The following LGALS9 variants were observed in gnomAD, a reference collection of about 807,000 sequenced individuals.
LGALS9 encodes galectin-9.
LGALS9 carries 26 observed loss-of-function variants against 35.9 expected under a neutral mutation model. The ratio of observed to expected loss-of-function variants is 0.72; its 90% CI spans 0.53 to 1.01. The LOEUF (loss-of-function observed/expected upper bound fraction) is 1.01. LGALS9 is among the 50% of genes least tolerant of loss of function. LGALS9 has a pLI of 0.00. For synonymous variants in LGALS9, 149 were observed against 172.2 expected (o/e 0.87, Z 1.06); for missense variants, 347 against 445.8 (o/e 0.78, Z 1.99).
intron 10 of LGALS9, 114 bp downstream of exon 10, chr17:27,647,546 G>A: frequency 1.4e-6 from 2 of 1,427,708 alleles, no homozygotes; most frequent in Non-Finnish European, 9.4e-7. Context: ...CTGGGATGAA[G>A]GCCCAAAAGA....
At chr17:27,634,461 G>A (rs530569010) in intron 1 of LGALS9, among the ~76,000 whole-genome samples, 2 of 152,290 alleles carry the variant, frequency 1.3e-5, no homozygotes, top group African/African-American at 2.4e-5. Flanking sequence ...GGAGGTGGGA[G>A]GGTCACGTGA....
At chr17:27,638,766 T>A (rs1418476102) in intron 2 of LGALS9, 1 of 302,808 alleles carries the variant, frequency 3.3e-6, no homozygotes, top group Non-Finnish European at 6.4e-6. Flanking sequence ...CAAAAGTAAT[T>A]TGGTCTCTTT....
intron 1 of LGALS9, among the ~76,000 whole-genome samples, chr17:27,637,316 A>G (rs1012728479): frequency 7.2e-5 from 11 of 152,190 alleles, no homozygotes; most frequent in African/African-American, 1.9e-4. Context: ...CATCAATCAT[A>G]TGCAGCAGGT....
rs555742546 is a variant in LGALS9, at chr17:27,634,269, C to A, written c.39+2965C>A. Among the ~76,000 whole-genome samples, 3 of 152,324 alleles carry A rather than the reference C, an allele frequency of 2.0e-5. No homozygotes were observed. The South Asian group carries it at 6.2e-4, about 32-fold the overall frequency. The stretch of plus-strand genomic sequence containing the variant: ...CCATCTTTAAAACCAGCAGCTTTGG[C>A]TGGGCCCAGTGGCTCATGCCTATAA... On this transcript the variant is annotated intron_variant, in intron 1 of 10. Transcript: ENST00000395473.
intron 5 of LGALS9, among the ~76,000 whole-genome samples, chr17:27,643,821 C>T (rs4794975): frequency 0.23 from 34,437 of 152,088 alleles, 4,081 homozygotes; most frequent in Admixed American, 0.3. Flanking sequence ...CTCTTCTTTA[C>T]GTCTCTCCAA....
At chr17:27,646,739 G>A (rs1598189971) in intron 8 of LGALS9, 151 bp downstream of exon 8, 2 of 1,368,640 alleles carry the variant, frequency 1.5e-6, no homozygotes, top group Non-Finnish European at 2.0e-6. Context: ...CGAATTAGAA[G>A]GCTGTGGAGA....
rs752217105 is a variant in LGALS9 at position 27,648,972 on chromosome 17, T to C, written c.1058T>C (p.Val353Ala). The C allele has an allele frequency of 3.7e-6, 6 of 1,613,968 alleles. No individual in the cohort carries two copies. In the South Asian group the frequency reaches 6.6e-5, roughly 18 times the overall value. The change falls in exon 11 of 11, where the codon GTG becomes GCG. Residue 353 changes from valine (V) to alanine (A), a missense_variant. Physicochemically the swap from Val to Ala is moderately conservative, Grantham distance 64. Coordinates refer to ENST00000395473, the MANE Select transcript of LGALS9 (RefSeq NM_009587.3). The stretch of plus-strand genomic sequence containing the variant: ...GGGGGCGACATCCAGCTGACCCATG[T>C]GCAGACATAGGCGGCTTCCTGGCCC... ...EVGGDIQLTHVQT is the reference protein window; with the variant it reads ...EVGGDIQLTHAQT
At chr17:27,642,020 C>A (rs1904546042) in intron 3 of LGALS9, among the ~76,000 whole-genome samples, 1 of 151,932 alleles carries the variant, frequency 6.6e-6, no homozygotes, top group Non-Finnish European at 1.5e-5. Flanking sequence ...AAAGACAAAC[C>A]TACTGCAGGA....
chr17:27,649,195 C>A lies in LGALS9; in HGVS notation c.*213C>A. The A allele has an allele frequency of 1.4e-6, 1 of 706,586 alleles. No individual in the cohort carries two copies. Among genetic ancestry groups the A allele is most frequent in the Non-Finnish European group, 2.4e-6 (1 of 423,862 alleles). 43.8% of individuals were successfully genotyped at this position (706,586 alleles called of 1,614,324 possible). The stretch of plus-strand genomic sequence containing the variant: ...ATTGCCTTCCTCAGCCGCAGCAGCA[C>A]CTGGGGCTCCAGCTGCTGGAATCCT... On this transcript the variant is annotated 3_prime_UTR_variant, in exon 11 of 11. Coordinates refer to ENST00000395473, the MANE Select transcript of LGALS9 (RefSeq NM_009587.3).
intron 10 of LGALS9, among the ~76,000 whole-genome samples, chr17:27,647,636 G>A (rs1468284943): frequency 2.0e-5 from 3 of 152,182 alleles, no homozygotes; most frequent in Non-Finnish European, 2.9e-5. Flanking sequence ...TTCAGATGAG[G>A]AAACAAACTC....
chr17:27,643,311 G>A lies in LGALS9; in HGVS notation c.445-214G>A, dbSNP rs185203052. 3.6e-3 allele frequency among the ~76,000 whole-genome samples: 541 copies of A among 152,280 alleles called. 3 individuals carry two copies. Among genetic ancestry groups the A allele is most frequent in the African/African-American group, 0.012 (518 of 41,566 alleles). ...CCTTCCCTGACTCTCTCCCCTGCGG[G>A]TGGTAGGGGAGGGAAGAGCTGGAGG... On this transcript the variant is annotated intron_variant, in intron 4 of 10. Transcript: ENST00000395473.
chr17:27,647,248 T>C (rs1447778027), intron 9 of LGALS9, 22 bp from the exon 10 acceptor site: 3 of 1,613,424 alleles, frequency 1.9e-6, no homozygotes, highest in East Asian at 2.2e-5. Context: ...GGATAAAGGT[T>C]CAGGTGGGCT....
chr17:27,645,829 A>C (rs544752921), intron 6 of LGALS9, 32 bp from the exon 7 acceptor site: 324 of 1,574,084 alleles, frequency 2.1e-4, no homozygotes, highest in Non-Finnish European at 2.3e-4. Context: ...CACACGTGAG[A>C]GCCTGGGTGA....
chr17:27,649,005 G>A lies in LGALS9; in HGVS notation c.*23G>A, dbSNP rs372947188. The A allele has an allele frequency of 2.0e-4, 326 of 1,613,646 alleles. No homozygotes were observed. The highest frequency in any genetic ancestry group is 2.0e-3 in the Middle Eastern group (12 of 6,042). On this transcript the variant is annotated 3_prime_UTR_variant, in exon 11 of 11. Coordinates refer to ENST00000395473, the MANE Select transcript of LGALS9 (RefSeq NM_009587.3). ...TAGGCGGCTTCCTGGCCCTGGGGCCGGGGGCTGGGGTGTGGGGCAGTCTGG... is the reference window on the plus strand; with the variant it reads ...TAGGCGGCTTCCTGGCCCTGGGGCCAGGGGCTGGGGTGTGGGGCAGTCTGG...
Position 27,645,854 on chromosome 17 carries a change from C to T in LGALS9, c.577-7C>T. 6.2e-7 allele frequency: 1 copy of T among 1,601,348 alleles called. No individual in the cohort carries two copies. Among genetic ancestry groups the T allele is most frequent in the Non-Finnish European group, 8.5e-7 (1 of 1,172,528 alleles). ...AGCCTGGGTGAGACCTGGTTTCTTT[C>T]TTCCAGACCCAGACAGTCATCCACA... On this transcript the variant is annotated splice_region_variant and splice_polypyrimidine_tract_variant and intron_variant, in intron 6 of 10. Transcript: ENST00000395473.
chr17:27,642,045 C>T (rs548568700), intron 3 of LGALS9, among the ~76,000 whole-genome samples, 193 bp from the exon 4 acceptor site: 5 of 152,078 alleles, frequency 3.3e-5, no homozygotes, highest in East Asian at 1.9e-4. Flanking sequence ...ACCAGAAGAA[C>T]GAAAAGTCCA....
chr17:27,634,789 AC>A (rs1431985258), intron 1 of LGALS9, among the ~76,000 whole-genome samples: 10 of 152,032 alleles, frequency 6.6e-5, no homozygotes, highest in Non-Finnish European at 1.5e-4. Flanking sequence ...CAACATATTC[AC>A]AGTTTCCGGG....
At chr17:27,644,639 C>T (rs1395575921) in intron 5 of LGALS9, 1 of 152,466 alleles carries the variant, frequency 6.6e-6, no homozygotes, top group Non-Finnish European at 1.5e-5. Context: ...TCTACGCAGT[C>T]TTCTTATGGC....
chr17:27,640,389 T>C, intron 2 of LGALS9, 183 bp from the exon 3 acceptor site: 3 of 932,884 alleles, frequency 3.2e-6, no homozygotes, highest in Non-Finnish European at 3.2e-6. Flanking sequence ...AATCCAATAA[T>C]TAAAACAAAA....
Sources: allele counts gnomAD v4.1 joint callset (sites outside exome capture counted in the v4.1 genomes callset), GRCh38; gene constraint gnomAD v4.1.1; transcripts MANE v1.5; gene names NCBI Gene and HGNC (gene_info 2026-07-23, HGNC 2026-07-21).